The following LINGO2 variants were observed in gnomAD, a reference collection of about 807,000 sequenced individuals.
The protein encoded by LINGO2 is leucine-rich repeat and immunoglobulin-like domain-containing nogo receptor-interacting protein 2.
A neutral mutation model predicts 30.6 loss-of-function variants in LINGO2; 14 were observed. That is an observed-to-expected ratio of 0.46 (90% confidence interval 0.30 to 0.72). LINGO2 has a LOEUF of 0.72. Ranked by LOEUF, LINGO2 falls within the 30% of genes least tolerant of loss-of-function variation. LINGO2 has a pLI of 0.07. For missense variants in LINGO2, 729 were observed against 751.7 expected, an observed-to-expected ratio of 0.97 and a Z score of 0.35; for synonymous variants, 317 against 288.5, an observed-to-expected ratio of 1.10 and a Z score of -1.00.
intron 2 of LINGO2, among the ~76,000 whole-genome samples, chr9:28,416,689 G>A (rs886907198): frequency 1.3e-5 from 2 of 152,116 alleles, no homozygotes; most frequent in African/African-American, 4.8e-5. Context: ...TCCTCACTGT[G>A]AGTATCTTAG....
At chr9:29,104,478 C>T in the LINGO2 span, among the ~76,000 whole-genome samples, 1 of 152,104 alleles carries the variant, frequency 6.6e-6, no homozygotes, top group Admixed American at 6.5e-5. Flanking sequence ...TCCTGTACAG[C>T]CTGCAGAACT....
the LINGO2 span, among the ~76,000 whole-genome samples, chr9:28,893,543 AAT>A: frequency 5.9e-5 from 9 of 152,024 alleles, no homozygotes; most frequent in African/African-American, 2.2e-4. Flanking sequence ...TAATAACAGT[AAT>A]CATTTGTCTG....
At chr9:28,894,539 T>G in the LINGO2 span, among the ~76,000 whole-genome samples, 1 of 151,926 alleles carries the variant, frequency 6.6e-6, no homozygotes, top group African/African-American at 2.4e-5. Context: ...ACTGCTATAT[T>G]TTCTTCTTTT....
At chr9:28,595,751 A>C (rs1825142828) in intron 1 of LINGO2, among the ~76,000 whole-genome samples, 2 of 152,148 alleles carry the variant, frequency 1.3e-5, no homozygotes, top group African/African-American at 4.8e-5. Context: ...TGAGGCAGAA[A>C]CTAGGAAAGT....
chr9:29,176,997 C>T, the LINGO2 span, among the ~76,000 whole-genome samples: 1 of 152,196 alleles, frequency 6.6e-6, no homozygotes, highest in Admixed American at 6.5e-5. Flanking sequence ...AAGTCTACCT[C>T]TGACTCAGCA....
chr9:28,767,046 A>G, the LINGO2 span, among the ~76,000 whole-genome samples: 1 of 151,238 alleles, frequency 6.6e-6, no homozygotes, highest in South Asian at 2.1e-4. Flanking sequence ...AGTTGAATAC[A>G]TAAAAACAGA....
intron 5 of LINGO2, among the ~76,000 whole-genome samples, chr9:28,002,666 T>C (rs1337244483): frequency 1.3e-5 from 2 of 152,210 alleles, no homozygotes; most frequent in Non-Finnish European, 2.9e-5. Context: ...TATATGGAGA[T>C]ATTTAAGTAC....
chr9:29,135,432 A>T, the LINGO2 span, among the ~76,000 whole-genome samples: 1 of 151,672 alleles, frequency 6.6e-6, no homozygotes, highest in Non-Finnish European at 1.5e-5. Context: ...GTGGCATGCA[A>T]CTGCAGTCCC....
chr9:28,941,239 C>A, the LINGO2 span, among the ~76,000 whole-genome samples: 1 of 152,046 alleles, frequency 6.6e-6, no homozygotes, highest in Non-Finnish European at 1.5e-5. Context: ...GGCTGAGAGG[C>A]CTGACACTTC....
At chr9:28,867,644 A>G in the LINGO2 span, among the ~76,000 whole-genome samples, 1 of 152,158 alleles carries the variant, frequency 6.6e-6, no homozygotes, top group Admixed American at 6.6e-5. Context: ...TACTTCATTT[A>G]TTTCTGATTT....
chr9:27,942,559 GA>G, the LINGO2 span: 1 of 152,034 alleles, frequency 6.6e-6, no homozygotes, highest in Non-Finnish European at 1.5e-5. Context: ...CCTAAATCAA[GA>G]TACTTTTGTC....
chr9:28,790,325 CTT>C, the LINGO2 span, among the ~76,000 whole-genome samples: 1,500 of 106,156 alleles, frequency 0.014, 5 homozygotes, highest in African/African-American at 0.054. Flanking sequence ...TCTTTTCTTT[CTT>C]TTTTTTTTTT....
the LINGO2 span, among the ~76,000 whole-genome samples, chr9:29,026,594 A>T: frequency 6.6e-6 from 1 of 151,784 alleles, no homozygotes; most frequent in Non-Finnish European, 1.5e-5. Context: ...CTATGCAATT[A>T]AAAAAAATTG....
At chr9:28,922,092 T>C in the LINGO2 span, among the ~76,000 whole-genome samples, 1 of 152,192 alleles carries the variant, frequency 6.6e-6, no homozygotes, top group Non-Finnish European at 1.5e-5. Flanking sequence ...GGTTTCCCTA[T>C]ACACTTCCTC....
chr9:29,130,187 G>A, the LINGO2 span, among the ~76,000 whole-genome samples: 1 of 152,178 alleles, frequency 6.6e-6, no homozygotes, highest in African/African-American at 2.4e-5. Context: ...TCAGCTTGCA[G>A]AGGATATAAG....
intron 1 of LINGO2, among the ~76,000 whole-genome samples, chr9:28,573,743 C>T (rs1823819312): frequency 6.6e-6 from 1 of 151,990 alleles, no homozygotes; most frequent in Non-Finnish European, 1.5e-5. Flanking sequence ...GAGTAATAAG[C>T]AATTCCTACT....
chr9:28,190,657 G>C (rs1450668393), intron 4 of LINGO2, among the ~76,000 whole-genome samples: 1 of 152,116 alleles, frequency 6.6e-6, no homozygotes, highest in African/African-American at 2.4e-5. Flanking sequence ...CCAGCCTTTA[G>C]AATTGTGAGA....
intron 4 of LINGO2, among the ~76,000 whole-genome samples, chr9:28,075,154 T>C (rs1439401617): frequency 1.3e-5 from 2 of 151,944 alleles, no homozygotes; most frequent in East Asian, 1.9e-4. Context: ...AATACATATG[T>C]ATGTGGCTTG....
At chr9:29,092,194 T>G in the LINGO2 span, among the ~76,000 whole-genome samples, 2 of 151,966 alleles carry the variant, frequency 1.3e-5, no homozygotes, top group Non-Finnish European at 2.9e-5. Context: ...GAAACAGGCT[T>G]AGACAGACTG....
Sources: gnomAD v4.1 joint callset for allele counts (sites outside exome capture counted in the v4.1 genomes callset) on GRCh38, gnomAD v4.1.1 for gene constraint, MANE v1.5 for transcripts, NCBI Gene and HGNC (gene_info 2026-07-23, HGNC 2026-07-21) for gene names.